Variants in PCDHGB2 observed in about 807,000 individuals in gnomAD.
PCDHGB2 encodes the protein protocadherin gamma subfamily B, 2.
PCDHGB2 carries 55 observed loss-of-function variants against 59.3 expected under a neutral mutation model. The observed-to-expected ratio is 0.93, with a 90% confidence interval of 0.75 to 1.16. The LOEUF (loss-of-function observed/expected upper bound fraction) is 1.16, where lower values mean the gene tolerates loss of function less well. PCDHGB2 is among the 50% of genes most tolerant of loss of function. PCDHGB2 has a pLI of 0.00. For synonymous variants in PCDHGB2, 516 were observed against 512.0 expected, an observed-to-expected ratio of 1.01 and a Z score of -0.11; for missense variants, 1,228 against 1,198.5, an observed-to-expected ratio of 1.02 and a Z score of -0.36.
intron 1 of PCDHGB2, chr5:141,412,359 A>G (rs2095550851): frequency 6.6e-6 from 1 of 152,226 alleles, no homozygotes; most frequent in Non-Finnish European, 1.5e-5. Flanking sequence ...GTTTGTGATT[A>G]CCTGCTTAAT....
At chr5:141,467,214 G>A (rs1333148694) in intron 1 of PCDHGB2, among the ~76,000 whole-genome samples, 1 of 151,856 alleles carries the variant, frequency 6.6e-6, no homozygotes, top group Admixed American at 6.6e-5. Context: ...CACCATGCCT[G>A]GCTAATTTTT....
intron 1 of PCDHGB2, chr5:141,418,549 C>T: frequency 6.2e-7 from 1 of 1,614,024 alleles, no homozygotes; most frequent in Non-Finnish European, 8.5e-7. Context: ...AGATAAGAAT[C>T]CTGGTAATAG....
At chr5:141,380,956 A>G (rs1776884378) in intron 1 of PCDHGB2, among the ~76,000 whole-genome samples, 1 of 152,252 alleles carries the variant, frequency 6.6e-6, no homozygotes, top group African/African-American at 2.4e-5. Context: ...CAAGAAGTTC[A>G]AAAGTACTAT....
chr5:141,372,534 C>A (rs752225423), intron 1 of PCDHGB2: 49 of 1,613,884 alleles, frequency 3.0e-5, no homozygotes, highest in Non-Finnish European at 4.0e-5. Context: ...AATCTCCCTG[C>A]GCCTGCGATG....
chr5:141,374,154 G>C (rs376984494), intron 1 of PCDHGB2: 38 of 1,611,790 alleles, frequency 2.4e-5, no homozygotes, highest in Admixed American at 8.4e-5. Flanking sequence ...GGGACGCTGT[G>C]GGGGGCCGCG....
At chr5:141,450,565 C>T (rs1024229182) in intron 1 of PCDHGB2, among the ~76,000 whole-genome samples, 2 of 152,016 alleles carry the variant, frequency 1.3e-5, no homozygotes, top group Non-Finnish European at 2.9e-5. Context: ...CGGCTCACTG[C>T]AACTTCTGCC....
At chr5:141,363,237 CATTTTCTACA>C (rs1481168613) in intron 1 of PCDHGB2, among the ~76,000 whole-genome samples, 1 of 152,240 alleles carries the variant, frequency 6.6e-6, no homozygotes, top group Non-Finnish European at 1.5e-5. Context: ...ATGTTCACAT[CATTTTCTACA>C]AAATATTACT....
At chr5:141,403,724 G>A (rs373210176) in intron 1 of PCDHGB2, 2 of 1,613,924 alleles carry the variant, frequency 1.2e-6, no homozygotes, top group Non-Finnish European at 1.7e-6. Flanking sequence ...CGTGCCCCCA[G>A]GCACCTGGCT....
chr5:141,366,734 G>A (rs1193465026), intron 1 of PCDHGB2: 1 of 1,612,554 alleles, frequency 6.2e-7, no homozygotes, highest in Admixed American at 1.7e-5. Context: ...TGCAAACAAA[G>A]AAGAACGGCG....
chr5:141,444,406 G>A (rs1296878411), intron 1 of PCDHGB2, among the ~76,000 whole-genome samples: 1 of 151,874 alleles, frequency 6.6e-6, no homozygotes, highest in Non-Finnish European at 1.5e-5. Context: ...CCCAACCTCA[G>A]GTGATCTTCC....
At chr5:141,410,418 T>C (rs2095390746) in intron 1 of PCDHGB2, 26 of 1,614,052 alleles carry the variant, frequency 1.6e-5, no homozygotes, top group Non-Finnish European at 2.2e-5. Context: ...GGACCTGTAG[T>C]TCCCCCCAAC....
chr5:141,504,763 C>G (rs1057360921), intron 2 of PCDHGB2, among the ~76,000 whole-genome samples: 5 of 152,018 alleles, frequency 3.3e-5, no homozygotes, highest in African/African-American at 1.2e-4. Context: ...AATTTCTTCT[C>G]CCTGCTCCAG....
chr5:141,391,756 TAGTA>T (rs1440223357), intron 1 of PCDHGB2: 2 of 152,192 alleles, frequency 1.3e-5, no homozygotes, highest in African/African-American at 2.4e-5. Flanking sequence ...TTTGGCTTCT[TAGTA>T]AGTATTATAT....
At position 141,360,421 on chromosome 5, in the gene PCDHGB2, T is replaced by C. The variant is rs372376910; in HGVS notation, c.286T>C (p.Cys96Arg). ...VSDRIDREQI[C>R]GKQPLCVLDF... ...TGACAGAATAGACCGAGAACAGATA[T>C]GCGGGAAGCAGCCTCTGTGTGTTCT... Residue 96 changes from cysteine (C) to arginine (R), a missense_variant, in exon 1 of 4, where the codon TGC becomes CGC. Transcript: ENST00000522605. 8.1e-5 allele frequency: 131 copies of C among 1,613,968 alleles called. No homozygotes were observed. In the African/African-American group the frequency reaches 1.1e-3, roughly 14 times the overall value.
chr5:141,381,693 G>A (rs1777359039), intron 1 of PCDHGB2, among the ~76,000 whole-genome samples: 1 of 152,096 alleles, frequency 6.6e-6, no homozygotes, highest in African/African-American at 2.4e-5. Context: ...GACAAACAAC[G>A]ATTTCTTTCT....
At chr5:141,375,358 G>C in intron 1 of PCDHGB2, 1 of 1,613,810 alleles carries the variant, frequency 6.2e-7, no homozygotes, top group Non-Finnish European at 8.5e-7. Context: ...TGACAGCCAC[G>C]GACAAAGGAA....
In PCDHGB2 at chr5:141,489,750, C is replaced by A. The variant is rs753217170; in HGVS notation, c.2422-5057C>A. 1 of 1,614,098 alleles carries A rather than the reference C, an allele frequency of 6.2e-7. No individual in the cohort carries two copies. The highest frequency in any genetic ancestry group is 1.1e-5 in the South Asian group (1 of 91,080). Reference sequence around the variant, plus strand: ...TGGGCACCAATACTGTGAGCTTTTACACTCTAAGCCCCAACAGCCACTTCT... The same window carrying A: ...TGGGCACCAATACTGTGAGCTTTTAAACTCTAAGCCCCAACAGCCACTTCT... On this transcript the variant is annotated intron_variant, in intron 1 of 3. Coordinates refer to ENST00000522605, the MANE Select transcript of PCDHGB2 (RefSeq NM_018923.3). This position sits in a 1 kb window ranked among gnomAD's most constrained non-coding sequence, Gnocchi z 4.5.
chr5:141,370,235 G>T, intron 1 of PCDHGB2: 5 of 608,818 alleles, frequency 8.2e-6, no homozygotes, highest in Non-Finnish European at 1.3e-5. Flanking sequence ...CAGCTCGGAA[G>T]AAAAGTGCAC....
Position 141,477,032 on chromosome 5 carries a change from A to G in PCDHGB2, c.2422-17775A>G, listed in dbSNP as rs1026169829. 2 of 1,614,134 alleles carry G rather than the reference A, an allele frequency of 1.2e-6. No homozygotes were observed. Among genetic ancestry groups the G allele is most frequent in the Non-Finnish European group, 1.7e-6 (2 of 1,180,044 alleles). ...AGACCTTGTAACCGGGATGCTGACA[A>G]TCAAGGGTCGGCTGGACTTCGAGGA... On this transcript the variant is annotated intron_variant, in intron 1 of 3. Transcript: ENST00000522605. This position sits in a 1 kb window ranked among gnomAD's most constrained non-coding sequence, Gnocchi z 4.9.
Sources: allele counts gnomAD v4.1 joint callset (sites outside exome capture counted in the v4.1 genomes callset), GRCh38; gene constraint gnomAD v4.1.1; non-coding constraint Gnocchi (gnomAD v3.1); transcripts MANE v1.5; gene names NCBI Gene and HGNC (gene_info 2026-07-23, HGNC 2026-07-21).